MELK: variants seen among roughly 807,000 people sequenced by gnomAD.
MELK encodes maternal embryonic leucine zipper kinase.
In MELK, 81 loss-of-function variants were observed where a neutral mutation model predicts 85.0. The observed-to-expected ratio is 0.95, with a 90% CI of 0.80 to 1.15. The LOEUF is 1.15. MELK is among the 50% of genes most tolerant of loss of function. The probability of loss-of-function intolerance (pLI) is 0.00; values close to 1 mark genes in which losing one functional copy is unlikely to be tolerated. For synonymous variants in MELK, 252 were observed against 265.0 expected, an observed-to-expected ratio of 0.95 and a Z score of 0.48; for missense variants, 754 against 777.5, an observed-to-expected ratio of 0.97 and a Z score of 0.36.
chr9:36,660,350 T>C (rs1831671054), intron 13 of MELK, among the ~76,000 whole-genome samples: 1 of 152,092 alleles, frequency 6.6e-6, no homozygotes, highest in African/African-American at 2.4e-5. Flanking sequence ...TAGGATCTCA[T>C]TCCGTCAACC....
rs140939281 is a variant in MELK, at chr9:36,624,447, G to A, written c.667-5852G>A. 3.3e-3 allele frequency among the ~76,000 whole-genome samples: 509 copies of A among 152,186 alleles called. 1 individual carries two copies. Among genetic ancestry groups the A allele is most frequent in the Non-Finnish European group, 5.7e-3 (387 of 68,008 alleles). ...CAAGCCCATGGAGCCAGTAAGAGGC[G>A]GAACTGGGATTCAAATATAATATAT... On this transcript the variant is annotated intron_variant, in intron 8 of 17. Coordinates refer to ENST00000298048, the MANE Select transcript of MELK (RefSeq NM_014791.4).
At chr9:36,599,359 G>T (rs1587382172) in intron 6 of MELK, 35 bp from the exon 7 acceptor site, 28 of 1,065,730 alleles carry the variant, frequency 2.6e-5, no homozygotes, top group Non-Finnish European at 3.2e-5. Flanking sequence ...CTTAAGCGTT[G>T]TAATTAATAA....
intron 14 of MELK, 58 bp downstream of exon 14, chr9:36,665,639 A>T: frequency 7.5e-7 from 1 of 1,327,466 alleles, no homozygotes; most frequent in South Asian, 1.4e-5. Flanking sequence ...ATGTTAAGTA[A>T]ACATATAGCA....
intron 10 of MELK, among the ~76,000 whole-genome samples, chr9:36,636,827 T>C (rs1829260453): frequency 7.2e-6 from 1 of 138,346 alleles, no homozygotes. Context: ...TTTCTGTCTT[T>C]CTTGTCTTTC....
chr9:36,597,154 A>G, intron 5 of MELK, 68 bp from the exon 6 acceptor site: 2 of 1,355,446 alleles, frequency 1.5e-6, no homozygotes, highest in Non-Finnish European at 2.1e-6. Context: ...ATTTTTAGAA[A>G]TGGCTAGAGG....
intron 4 of MELK, among the ~76,000 whole-genome samples, chr9:36,590,073 C>G (rs1254096017): frequency 6.6e-6 from 1 of 152,036 alleles, no homozygotes; most frequent in Non-Finnish European, 1.5e-5. Flanking sequence ...AGGCGCCCAC[C>G]ACCATGCCCG....
intron 10 of MELK, among the ~76,000 whole-genome samples, chr9:36,639,268 A>T (rs1221815607): frequency 6.6e-6 from 1 of 152,346 alleles, no homozygotes; most frequent in South Asian, 2.1e-4. Flanking sequence ...CAGAGCTGTT[A>T]CAGGATCAAA....
chr9:36,612,124 C>G (rs1826118142), intron 8 of MELK, among the ~76,000 whole-genome samples: 1 of 151,872 alleles, frequency 6.6e-6, no homozygotes, highest in Non-Finnish European at 1.5e-5. Flanking sequence ...GTGACAGAGT[C>G]TCGCTCTGTC....
rs754898159 is a variant in MELK at position 36,674,885 on chromosome 9, A to G, written c.1726A>G (p.Asn576Asp). 2 of 1,600,400 alleles carry G rather than the reference A, an allele frequency of 1.2e-6. No homozygotes were observed. Among genetic ancestry groups the G allele is most frequent in the South Asian group, 2.2e-5 (2 of 90,798 alleles). The stretch of plus-strand genomic sequence containing the variant: ...ATTAGTGAATCCAGATCAACTGTTG[A>G]ATGAAATAATGTCTATTCTTCCAAA... The part of the protein sequence containing the change: ...TRLVNPDQLL[N>D]EIMSILPKKH... Residue 576 changes from asparagine (N) to aspartate (D), a missense_variant, in exon 17 of 18, where the codon AAT (asparagine) becomes GAT (aspartate). Physicochemically the swap from Asn to Asp is conservative, Grantham distance 23. Transcript: ENST00000298048.
chr9:36,614,065 T>C (rs1649891728), intron 8 of MELK, among the ~76,000 whole-genome samples: 1 of 150,942 alleles, frequency 6.6e-6, no homozygotes, highest in Non-Finnish European at 1.5e-5. Flanking sequence ...ATGGTGGCAG[T>C]GGAGGTGGTA....
At chr9:36,650,260 T>TAA (rs74181199) in intron 11 of MELK, among the ~76,000 whole-genome samples, 35 of 150,450 alleles carry the variant, frequency 2.3e-4, no homozygotes, top group Non-Finnish European at 3.3e-4. Flanking sequence ...TATTAAAAAT[T>TAA]AAAAAAAAAA....
At chr9:36,622,449 A>G (rs1827538969) in intron 8 of MELK, among the ~76,000 whole-genome samples, 1 of 152,238 alleles carries the variant, frequency 6.6e-6, no homozygotes, top group Admixed American at 6.5e-5. Flanking sequence ...TTTAAAAGGC[A>G]GACTTCGTTT....
intron 8 of MELK, among the ~76,000 whole-genome samples, chr9:36,625,779 G>A (rs1209894109): frequency 6.6e-6 from 1 of 152,002 alleles, no homozygotes; most frequent in African/African-American, 2.4e-5. Context: ...AAATTAGCCA[G>A]TCATGGTGGT....
chr9:36,618,449 A>G (rs1489368982), intron 8 of MELK, among the ~76,000 whole-genome samples: 2 of 152,056 alleles, frequency 1.3e-5, no homozygotes, highest in African/African-American at 4.8e-5. Flanking sequence ...CATGATGTCA[A>G]CGTAGCCATA....
intron 8 of MELK, among the ~76,000 whole-genome samples, chr9:36,619,466 A>T (rs1052872127): frequency 6.6e-6 from 1 of 152,124 alleles, no homozygotes; most frequent in Admixed American, 6.5e-5. Flanking sequence ...TTCTAACCAT[A>T]CTTACTTCTT....
intron 12 of MELK, among the ~76,000 whole-genome samples, chr9:36,652,424 G>C (rs778578283): frequency 1.7e-4 from 25 of 150,728 alleles, no homozygotes; most frequent in Non-Finnish European, 3.1e-4. Context: ...AGCAATTCCT[G>C]ATGGCTATAG....
rs924147469 is a variant in MELK, at chr9:36,655,754, T to C, written c.1054-1487T>C. Among the ~76,000 whole-genome samples, 4 of 152,312 alleles carry C rather than the reference T, an allele frequency of 2.6e-5. No homozygotes were observed. In the East Asian group the frequency reaches 7.7e-4, roughly 29 times the overall value. On this transcript the variant is annotated intron_variant, in intron 12 of 17. Coordinates refer to ENST00000298048, the MANE Select transcript of MELK (RefSeq NM_014791.4). ...TCCCCACCAAGCCTAGACTTAGCTT[T>C]AGGATTTTTCTCAGCCTAGCTCTCC...
intron 5 of MELK, among the ~76,000 whole-genome samples, chr9:36,596,473 G>A (rs550508641): frequency 3.3e-5 from 5 of 151,514 alleles, no homozygotes; most frequent in Admixed American, 2.6e-4. Context: ...TAGCCAGGAT[G>A]GTCTTGATCT....
intron 14 of MELK, among the ~76,000 whole-genome samples, chr9:36,668,558 G>T (rs1832599934): frequency 1.3e-5 from 2 of 151,900 alleles, no homozygotes; most frequent in South Asian, 2.1e-4. Flanking sequence ...TGTCTCCCAG[G>T]CTGGAGTGCA....
Sources: allele counts gnomAD v4.1 joint callset (sites outside exome capture counted in the v4.1 genomes callset), GRCh38; gene constraint gnomAD v4.1.1; transcripts MANE v1.5; gene names NCBI Gene and HGNC (gene_info 2026-07-23, HGNC 2026-07-21).